FOXN2: variants seen among roughly 807,000 people sequenced by gnomAD.
The protein encoded by FOXN2 is forkhead box N2, also known as forkhead box protein N2.
In FOXN2, 19 loss-of-function variants were observed where a neutral mutation model predicts 41.2. The observed-to-expected ratio is 0.46, with a 90% CI of 0.32 to 0.68. The LOEUF is 0.68. Among genes scored for constraint, FOXN2 ranks in the 30% least tolerant of loss-of-function variants. The probability of loss-of-function intolerance (pLI) is 0.03; values close to 1 mark genes in which losing one functional copy is unlikely to be tolerated. For missense variants in FOXN2, 587 were observed against 509.4 expected (o/e 1.15, Z -1.47); for synonymous variants, 195 against 176.8 (o/e 1.10, Z -0.82).
intron 5 of FOXN2, among the ~76,000 whole-genome samples, chr2:48,366,147 A>G (rs1467593785): frequency 6.6e-6 from 1 of 152,134 alleles, no homozygotes; most frequent in Non-Finnish European, 1.5e-5. Context: ...ACATGAGATC[A>G]AGAGTTCAAG....
In FOXN2 at chr2:48,343,900, A is replaced by T. The variant is rs553197255; in HGVS notation, c.-14-2301A>T. On this transcript the variant is annotated intron_variant, in intron 2 of 6. Coordinates refer to ENST00000340553, the MANE Select transcript of FOXN2 (RefSeq NM_002158.4). ...TGACATAGAATCTGTAATGTAGTAAAATCTCAGCAAATGTTAGCCACTGCT... is the reference window on the plus strand; with the variant it reads ...TGACATAGAATCTGTAATGTAGTAATATCTCAGCAAATGTTAGCCACTGCT... Among the ~76,000 whole-genome samples, 23 of 152,286 alleles carry T rather than the reference A, an allele frequency of 1.5e-4. No individual in the cohort carries two copies. The South Asian group carries it at 4.6e-3, about 30-fold the overall frequency.
chr2:48,370,229 GA>G (rs1672801152), intron 5 of FOXN2, among the ~76,000 whole-genome samples: 1 of 152,114 alleles, frequency 6.6e-6, no homozygotes, highest in South Asian at 2.1e-4. Context: ...CTCACACAGA[GA>G]CACAATATGG....
At position 48,371,395 on chromosome 2, in the gene FOXN2, C is replaced by CA. The variant is rs111683430; in HGVS notation, c.704-1886dup. Among the ~76,000 whole-genome samples the CA allele has an allele frequency of 1.7e-3, 241 of 144,404 alleles. 2 individuals carry two copies. Among genetic ancestry groups the CA allele is most frequent in the Middle Eastern group, 3.5e-3 (1 of 284 alleles). The allele number at this position is 144,404 out of a possible 152,430, so 94.7% of individuals were successfully genotyped here. A position where few individuals can be genotyped will look rare whatever the true frequency, so the allele number is the denominator to read the frequency against. On this transcript the variant is annotated intron_variant, in intron 5 of 6. Coordinates refer to ENST00000340553, the MANE Select transcript of FOXN2 (RefSeq NM_002158.4). Reference sequence around the variant, plus strand: ...CTGGGTGGCAGGGCAAGACTGTCTCCAAAAAAAAAAATAGTTGGCTGTAAA... The same window carrying CA: ...CTGGGTGGCAGGGCAAGACTGTCTCCAAAAAAAAAAAATAGTTGGCTGTAAA...
At chr2:48,364,034 G>A (rs559952282) in intron 5 of FOXN2, among the ~76,000 whole-genome samples, 1 of 152,200 alleles carries the variant, frequency 6.6e-6, no homozygotes, top group African/African-American at 2.4e-5. Context: ...AAATAGGTGG[G>A]ACTACAGGTG....
intron 3 of FOXN2, among the ~76,000 whole-genome samples, chr2:48,347,821 T>G (rs1181855412): frequency 6.6e-6 from 1 of 152,192 alleles, no homozygotes; most frequent in Non-Finnish European, 1.5e-5. Context: ...AACTTTTTTG[T>G]GGGGTGCAGG....
chr2:48,366,315 C>T (rs183965901), intron 5 of FOXN2, among the ~76,000 whole-genome samples: 39 of 149,538 alleles, frequency 2.6e-4, no homozygotes, highest in African/African-American at 8.9e-4. Context: ...GCCGAGATCG[C>T]GCCACTGCAC....
chr2:48,329,189 G>A (rs1000653146), intron 2 of FOXN2, among the ~76,000 whole-genome samples: 3 of 152,158 alleles, frequency 2.0e-5, no homozygotes, highest in South Asian at 2.1e-4. Context: ...TTTTATTTTT[G>A]AGACAAATGC....
At chr2:48,331,035 A>T (rs1277337551) in intron 2 of FOXN2, among the ~76,000 whole-genome samples, 1 of 152,216 alleles carries the variant, frequency 6.6e-6, no homozygotes, top group Non-Finnish European at 1.5e-5. Context: ...AACAGATGGC[A>T]TGGTTCTTTT....
chr2:48,358,005 G>C (rs1294786209), intron 3 of FOXN2, among the ~76,000 whole-genome samples: 1 of 151,912 alleles, frequency 6.6e-6, no homozygotes, highest in Non-Finnish European at 1.5e-5. Context: ...GACAACCATG[G>C]TTTTTCTATT....
In FOXN2 at chr2:48,346,608, T is replaced by C. The variant is rs375990343; in HGVS notation, c.394T>C (p.Cys132Arg). 4.3e-6 allele frequency: 7 copies of C among 1,614,046 alleles called. No homozygotes were observed. The African/African-American group carries it at 6.7e-5, about 15-fold the overall frequency. The change falls in exon 3 of 7, where the codon TGT (cysteine) becomes CGT (arginine). Residue 132 changes from cysteine (C) to arginine (R), a missense_variant. Transcript: ENST00000340553. ...YMAIEHSPNK[C>R]LPVKEIYSWI... ...GGCCATTGAGCACTCTCCAAATAAA[T>C]GTTTGCCTGTCAAAGAAATTTATAG...
At chr2:48,370,895 C>G (rs1469115244) in intron 5 of FOXN2, among the ~76,000 whole-genome samples, 1 of 152,118 alleles carries the variant, frequency 6.6e-6, no homozygotes, top group Admixed American at 6.5e-5. Context: ...AGTGTTTCAT[C>G]TTTGTTTTCT....
intron 3 of FOXN2, among the ~76,000 whole-genome samples, chr2:48,347,388 C>G (rs764067560): frequency 1.3e-5 from 2 of 151,706 alleles, no homozygotes; most frequent in Non-Finnish European, 2.9e-5. Context: ...CCACCACGCC[C>G]TGCTAATTTT....
intron 1 of FOXN2, among the ~76,000 whole-genome samples, chr2:48,327,984 A>T (rs1434349435): frequency 6.6e-6 from 1 of 152,128 alleles, no homozygotes; most frequent in Non-Finnish European, 1.5e-5. Flanking sequence ...GTAAGGTATC[A>T]TTGTCTGCAT....
In FOXN2 at chr2:48,378,646, G is replaced by A. The variant is rs1048425295; in HGVS notation, c.*3203G>A. 1 of 151,454 alleles carries A rather than the reference G, an allele frequency of 6.6e-6. No homozygotes were observed. The highest frequency in any genetic ancestry group is 1.5e-5 in the Non-Finnish European group (1 of 67,784). 9.4% of individuals were successfully genotyped at this position (151,454 alleles called of 1,614,324 possible). ...TCACAGCATTTATCTAAGAAACTGT[G>A]AGGCTTTCTGGTTTACATATATCTT... On this transcript the variant is annotated 3_prime_UTR_variant, in exon 7 of 7. Coordinates refer to ENST00000340553, the MANE Select transcript of FOXN2 (RefSeq NM_002158.4).
intron 3 of FOXN2, among the ~76,000 whole-genome samples, chr2:48,349,238 C>G (rs1311084590): frequency 6.6e-6 from 1 of 152,198 alleles, no homozygotes; most frequent in South Asian, 2.1e-4. Flanking sequence ...GTAATCCCAG[C>G]ACTTTGGGAG....
chr2:48,336,610 T>A (rs1670380628), intron 2 of FOXN2, among the ~76,000 whole-genome samples: 1 of 151,312 alleles, frequency 6.6e-6, no homozygotes, highest in South Asian at 2.1e-4. Context: ...GAAAAAAGAA[T>A]CATTCCAAAG....
chr2:48,343,090 G>A (rs1211039798), intron 2 of FOXN2, among the ~76,000 whole-genome samples: 1 of 152,154 alleles, frequency 6.6e-6, no homozygotes, highest in Admixed American at 6.5e-5. Context: ...AAGTAGTATT[G>A]ATAAAAATTC....
At chr2:48,340,233 A>C (rs1670654412) in intron 2 of FOXN2, among the ~76,000 whole-genome samples, 1 of 152,202 alleles carries the variant, frequency 6.6e-6, no homozygotes, top group South Asian at 2.1e-4. Context: ...TGACACATCT[A>C]ATTCTCTGTA....
At chr2:48,362,814 A>T in intron 5 of FOXN2, 107 bp downstream of exon 5, 1 of 897,226 alleles carries the variant, frequency 1.1e-6, no homozygotes, top group South Asian at 1.5e-5. Flanking sequence ...GAGCTGAAAA[A>T]TTTCTATTGC....
Sources: allele counts gnomAD v4.1 joint callset (sites outside exome capture counted in the v4.1 genomes callset), GRCh38; gene constraint gnomAD v4.1.1; transcripts MANE v1.5; gene names NCBI Gene and HGNC (gene_info 2026-07-23, HGNC 2026-07-21).